Variants in PHACTR2 observed in about 807,000 individuals in gnomAD.
PHACTR2 encodes chromosome 6 open reading frame 56.
Under a neutral mutation model 76.0 loss-of-function variants are expected in PHACTR2, and 30 were observed. The observed-to-expected ratio is 0.39, with a 90% CI of 0.30 to 0.54. The LOEUF (loss-of-function observed/expected upper bound fraction) is 0.54, where lower values mean the gene tolerates loss of function less well. PHACTR2 is among the 20% of genes least tolerant of loss of function. The pLI, the probability that PHACTR2 is intolerant of heterozygous loss-of-function variation, is 0.61. For synonymous variants in PHACTR2, 292 were observed against 292.5 expected (o/e 1.00, Z 0.02); for missense variants, 696 against 781.1 (o/e 0.89, Z 1.30).
rs981727659 is a variant in PHACTR2, at chr6:143,596,706, T to C, written c.217+59499T>C. Among the ~76,000 whole-genome samples, 2 of 152,044 alleles carry C rather than the reference T, an allele frequency of 1.3e-5. No homozygotes were observed. The highest frequency in any genetic ancestry group is 4.8e-5 in the African/African-American group (2 of 41,386). On this transcript the variant is annotated intron_variant, in intron 1 of 11. Coordinates refer to the PHACTR2 transcript ENST00000367584. This position sits in a 1 kb window ranked among gnomAD's most constrained non-coding sequence, Gnocchi z 4.6. ...TAAAAAAGTTAGCTGGCTGTGGTGGTATGTGACAGTAGTCCCAGCTACTTG... is the reference window on the plus strand; with the variant it reads ...TAAAAAAGTTAGCTGGCTGTGGTGGCATGTGACAGTAGTCCCAGCTACTTG...
In PHACTR2 at chr6:143,818,487, C is replaced by G. The variant is rs1184935464; in HGVS notation, c.1923-5187C>G. On this transcript the variant is annotated intron_variant, in intron 12 of 12. Coordinates refer to ENST00000440869, the MANE Select transcript of PHACTR2 (RefSeq NM_001100164.2). This position sits in a 1 kb window ranked among gnomAD's most constrained non-coding sequence, Gnocchi z 4.9. Reference sequence around the variant, plus strand: ...TGCATAGCACTTGGACTTGTAAGCTCTGGTAAGTATTATATTAGGATTGTT... The same window carrying G: ...TGCATAGCACTTGGACTTGTAAGCTGTGGTAAGTATTATATTAGGATTGTT... Among the ~76,000 whole-genome samples the G allele has an allele frequency of 1.3e-5, 2 of 152,136 alleles. No individual in the cohort carries two copies. Among genetic ancestry groups the G allele is most frequent in the East Asian group, 3.8e-4 (2 of 5,204 alleles).
At chr6:143,586,736 G>A (rs1012183756) in intron 1 of PHACTR2, among the ~76,000 whole-genome samples, 1 of 152,184 alleles carries the variant, frequency 6.6e-6, no homozygotes, top group African/African-American at 2.4e-5. Context: ...CATGAAAAGG[G>A]GCGGTAACTC....
At position 143,561,818 on chromosome 6, in the gene PHACTR2, G is replaced by A. The variant is rs1357451282; in HGVS notation, c.217+24611G>A. ...AGGGAGAGCTGGGTTATTACTGCTT[G>A]TGTGATCTCACCCTTCACCGCCAGC... On this transcript the variant is annotated intron_variant, in intron 1 of 11. Coordinates refer to the PHACTR2 transcript ENST00000367584. The surrounding 1 kb of genome is among the most constrained non-coding windows in gnomAD (Gnocchi z 4.1). 2.0e-5 allele frequency: 3 copies of A among 152,278 alleles called. 1 individual carries two copies. Among genetic ancestry groups the A allele is most frequent in the South Asian group, 4.1e-4 (2 of 4,834 alleles). 9.4% of individuals were successfully genotyped at this position (152,278 alleles called of 1,614,324 possible).
Position 143,637,873 on chromosome 6 carries a change from C to T in PHACTR2, c.13+29551C>T, listed in dbSNP as rs575939783. Among the ~76,000 whole-genome samples, 4 of 152,192 alleles carry T rather than the reference C, an allele frequency of 2.6e-5. No homozygotes were observed. The East Asian group carries it at 5.8e-4, about 22-fold the overall frequency. ...TAACATAGTCATGGGAGTGACATCC[C>T]GTCACCTTTGCTATGTTCTAGTTGT... On this transcript the variant is annotated intron_variant, in intron 1 of 11. Coordinates refer to the PHACTR2 transcript ENST00000305766.
chr6:143,736,630 A>G (rs1474827470), intron 2 of PHACTR2, among the ~76,000 whole-genome samples: 1 of 122,060 alleles, frequency 8.2e-6, no homozygotes, highest in Non-Finnish European at 1.6e-5. Flanking sequence ...GCTGGAGTGC[A>G]GTGGCAAGAT....
At chr6:143,792,660 G>T (rs1227366832) in intron 11 of PHACTR2, among the ~76,000 whole-genome samples, 1 of 152,110 alleles carries the variant, frequency 6.6e-6, no homozygotes. Flanking sequence ...AGGCTACTTT[G>T]GAGGCTCCAA....
At position 143,554,673 on chromosome 6, in the gene PHACTR2, T is replaced by TGGGCA. The variant is rs1403908951; in HGVS notation, c.217+17466_217+17467insGGGCA. 6.6e-6 allele frequency: 1 copy of TGGGCA among 152,114 alleles called. No individual in the cohort carries two copies. The highest frequency in any genetic ancestry group is 1.5e-5 in the Non-Finnish European group (1 of 68,012). 9.4% of individuals were successfully genotyped at this position (152,114 alleles called of 1,614,324 possible). A position where few individuals can be genotyped will look rare whatever the true frequency, so the allele number is the denominator to read the frequency against. On this transcript the variant is annotated intron_variant, in intron 1 of 11. Coordinates refer to the PHACTR2 transcript ENST00000367584. This position sits in a 1 kb window ranked among gnomAD's most constrained non-coding sequence, Gnocchi z 5.9. The stretch of plus-strand genomic sequence containing the variant: ...AGCAGGGCTTTTGTTAAAACTGTAT[T>TGGGCA]TTACGAGGAAGTGCCCAGATGGGCC...
At chr6:143,567,689 G>A (rs544934059) in intron 1 of PHACTR2, among the ~76,000 whole-genome samples, 95 of 152,132 alleles carry the variant, frequency 6.2e-4, no homozygotes, top group Middle Eastern at 3.4e-3. Context: ...GTGAGCCACC[G>A]CCCCCTATCT....
Position 143,783,370 on chromosome 6 carries a change from A to T in PHACTR2, c.1707+90A>T. The T allele has an allele frequency of 2.8e-6, 2 of 718,906 alleles. No homozygotes were observed. The highest frequency in any genetic ancestry group is 5.6e-5 in the East Asian group (2 of 35,672). The allele number at this position is 718,906 out of a possible 1,614,324, so 44.5% of individuals were successfully genotyped here. On this transcript the variant is annotated intron_variant, in intron 10 of 12. Coordinates refer to ENST00000440869, the MANE Select transcript of PHACTR2 (RefSeq NM_001100164.2). This position sits in a 1 kb window ranked among gnomAD's most constrained non-coding sequence, Gnocchi z 5.2. ...AATCCTCTCTGTATGTGTAAATCAG[A>T]TGTTTAGAAATAATTATTCCTATTA...
chr6:143,770,025 A>G (rs1284027495), intron 6 of PHACTR2, among the ~76,000 whole-genome samples: 1 of 152,234 alleles, frequency 6.6e-6, no homozygotes, highest in Non-Finnish European at 1.5e-5. Flanking sequence ...AATAATTGAA[A>G]GCAGGCACTT....
intron 1 of PHACTR2, among the ~76,000 whole-genome samples, chr6:143,560,750 T>C (rs1462794763): frequency 6.6e-6 from 1 of 152,020 alleles, no homozygotes; most frequent in Non-Finnish European, 1.5e-5. Flanking sequence ...AGGTGCTCGC[T>C]GGGGAGGGAG....
chr6:143,669,866 G>A (rs1777115508), intron 1 of PHACTR2, among the ~76,000 whole-genome samples: 1 of 152,102 alleles, frequency 6.6e-6, no homozygotes, highest in Non-Finnish European at 1.5e-5. Context: ...GGTTAATATT[G>A]TTATGTGTGA....
At chr6:143,608,079 C>T, upstream of PHACTR2, 1 of 571,062 alleles carries the variant, frequency 1.8e-6, no homozygotes, top group Non-Finnish European at 3.1e-6. The surrounding 1 kb of genome is among the most constrained non-coding windows in gnomAD (Gnocchi z 4.6). Context: ...ATTCAAGTAC[C>T]CACTTGATAG....
Position 143,580,309 on chromosome 6 carries a change from C to T in PHACTR2, c.217+43102C>T, listed in dbSNP as rs1465085584. ...GACCATCTTGGCCAACACGGTGAAA[C>T]CCCGTCTCTACTAAAAATACAAAAA... On this transcript the variant is annotated intron_variant, in intron 1 of 11. Transcript: ENST00000367584. The surrounding 1 kb of genome is among the most constrained non-coding windows in gnomAD (Gnocchi z 4.2). 2.6e-5 allele frequency among the ~76,000 whole-genome samples: 4 copies of T among 152,136 alleles called. No homozygotes were observed. The highest frequency in any genetic ancestry group is 4.4e-5 in the Non-Finnish European group (3 of 68,024).
rs1013427982 is a variant in PHACTR2, at chr6:143,693,199, C to T, written c.46+14990C>T. ...ACTTTAACGTATGAATTTTGAGGGA[C>T]ACAATTCAGCCCATAGTAGTGTCCT... On this transcript the variant is annotated intron_variant, in intron 1 of 12. Transcript: ENST00000440869. Among the ~76,000 whole-genome samples the T allele has an allele frequency of 2.6e-5, 4 of 152,012 alleles. No individual in the cohort carries two copies. The East Asian group carries it at 7.7e-4, about 29-fold the overall frequency.
rs923112545 is a variant in PHACTR2 at position 143,562,498 on chromosome 6, C to T, written c.217+25291C>T. Among the ~76,000 whole-genome samples, 5 of 152,094 alleles carry T rather than the reference C, an allele frequency of 3.3e-5. No homozygotes were observed. The highest frequency in any genetic ancestry group is 6.5e-5 in the Admixed American group (1 of 15,274). On this transcript the variant is annotated intron_variant, in intron 1 of 11. Coordinates refer to the PHACTR2 transcript ENST00000367584. The surrounding 1 kb of genome is among the most constrained non-coding windows in gnomAD (Gnocchi z 5.1). ...AGCCATGAGGAATCTGCTCCCATGA[C>T]GCAAACACCTCCCACCAGGCCCCAC...
chr6:143,552,672 G>A (rs1025435684), intron 1 of PHACTR2, among the ~76,000 whole-genome samples: 3 of 152,138 alleles, frequency 2.0e-5, no homozygotes, highest in Non-Finnish European at 4.4e-5. Context: ...GGAAGGCCAA[G>A]GCAGGTGGAT....
chr6:143,654,013 T>G lies in PHACTR2; in HGVS notation c.13+45691T>G, dbSNP rs1776805728. ...ATAGAGAACAATTACAATGCAATAA[T>G]AAAAAGACAAATACTCCAATGTTCA... On this transcript the variant is annotated intron_variant, in intron 1 of 11. Transcript: ENST00000305766. The surrounding 1 kb of genome is among the most constrained non-coding windows in gnomAD (Gnocchi z 4.6). Among the ~76,000 whole-genome samples, 1 of 152,058 alleles carries G rather than the reference T, an allele frequency of 6.6e-6. No homozygotes were observed. The highest frequency in any genetic ancestry group is 2.4e-5 in the African/African-American group (1 of 41,402).
At chr6:143,788,547 CTG>C (rs1775604479) in intron 10 of PHACTR2, among the ~76,000 whole-genome samples, 1 of 152,010 alleles carries the variant, frequency 6.6e-6, no homozygotes, top group Non-Finnish European at 1.5e-5. Flanking sequence ...TTGCCAAAGA[CTG>C]TGACCTATCT....
Sources: allele counts gnomAD v4.1 joint callset (sites outside exome capture counted in the v4.1 genomes callset), GRCh38; gene constraint gnomAD v4.1.1; non-coding constraint Gnocchi (gnomAD v3.1); transcripts MANE v1.5; gene names NCBI Gene and HGNC (gene_info 2026-07-23, HGNC 2026-07-21).